Variants in VAMP7 observed in about 807,000 individuals in gnomAD.
The protein encoded by VAMP7 is vesicle-associated membrane protein 7.
A neutral mutation model predicts 29.6 loss-of-function variants in VAMP7; 14 were observed. That is an observed-to-expected ratio of 0.47 (90% CI 0.31 to 0.74). The LOEUF (loss-of-function observed/expected upper bound fraction) is 0.74. VAMP7 is among the 30% of genes least tolerant of loss of function. The pLI, the probability that VAMP7 is intolerant of heterozygous loss-of-function variation, is 0.05. For missense variants in VAMP7, 223 were observed against 262.4 expected (o/e 0.85, Z 1.04); for synonymous variants, 95 against 88.1 (o/e 1.08, Z -0.44).
intron 2 of VAMP7, 43 bp downstream of exon 2, chrX:155,889,655 T>A: frequency 6.2e-7 from 1 of 1,608,494 alleles, no homozygotes; most frequent in Non-Finnish European, 8.5e-7. Flanking sequence ...AAGAAGGGAA[T>A]TCTGTTACTC....
chrX:155,888,228 C>T (rs1224354505), intron 1 of VAMP7, among the ~76,000 whole-genome samples: 1 of 152,174 alleles, frequency 6.6e-6, no homozygotes, highest in Non-Finnish European at 1.5e-5. Flanking sequence ...AAGGAATCTG[C>T]ACATTCCTTG....
At chrX:155,891,983 A>G (rs1426433846) in intron 2 of VAMP7, among the ~76,000 whole-genome samples, 6 of 152,222 alleles carry the variant, frequency 3.9e-5, no homozygotes, top group Admixed American at 2.0e-4. Context: ...GGGAAAGCAC[A>G]TGTAGTCGTC....
intron 4 of VAMP7, 40 bp from the exon 5 acceptor site, chrX:155,900,457 A>G (rs745951156): frequency 5.4e-6 from 8 of 1,483,248 alleles, no homozygotes; most frequent in Non-Finnish European, 7.4e-6. Context: ...TATTGTAAAT[A>G]ATGTCTAGGT....
At chrX:155,935,519 CTTAG>C (rs1264805082) in intron 6 of VAMP7, among the ~76,000 whole-genome samples, 1 of 152,096 alleles carries the variant, frequency 6.6e-6, no homozygotes, top group Non-Finnish European at 1.5e-5. Flanking sequence ...GCATTCGTCA[CTTAG>C]TTCTCGTGCC....
chrX:155,938,424 T>C (rs2066694267), intron 6 of VAMP7, among the ~76,000 whole-genome samples: 1 of 152,132 alleles, frequency 6.6e-6, no homozygotes, highest in Non-Finnish European at 1.5e-5. Context: ...GAATCTATGG[T>C]TAAGGGAGTG....
At chrX:155,918,962 T>C (rs1161034468) in intron 5 of VAMP7, among the ~76,000 whole-genome samples, 3 of 152,204 alleles carry the variant, frequency 2.0e-5, no homozygotes, top group Non-Finnish European at 2.9e-5. Flanking sequence ...CTTTTTGATG[T>C]GATGTTTGAT....
At chrX:155,927,270 A>G (rs1430557869) in intron 6 of VAMP7, among the ~76,000 whole-genome samples, 1 of 151,916 alleles carries the variant, frequency 6.6e-6, no homozygotes, top group African/African-American at 2.4e-5. Flanking sequence ...CCTAATGTAG[A>G]TAACGGGTTG....
At chrX:155,914,811 G>T (rs1387192680) in intron 5 of VAMP7, among the ~76,000 whole-genome samples, 1 of 152,092 alleles carries the variant, frequency 6.6e-6, no homozygotes, top group Non-Finnish European at 1.5e-5. Flanking sequence ...AGGGATATTG[G>T]CCTGAAATTT....
chrX:155,933,961 A>G (rs1409813718), intron 6 of VAMP7, among the ~76,000 whole-genome samples: 1 of 152,210 alleles, frequency 6.6e-6, no homozygotes, highest in Non-Finnish European at 1.5e-5. Context: ...TTATGTACCC[A>G]GTAGTCATTC....
intron 6 of VAMP7, among the ~76,000 whole-genome samples, chrX:155,938,673 G>A (rs1480008446): frequency 6.6e-6 from 1 of 152,106 alleles, no homozygotes; most frequent in African/African-American, 2.4e-5. Context: ...AGCAGGGGCC[G>A]AGAGTGGTGG....
intron 5 of VAMP7, among the ~76,000 whole-genome samples, chrX:155,918,499 C>T (rs2066345641): frequency 6.6e-6 from 1 of 152,186 alleles, no homozygotes; most frequent in African/African-American, 2.4e-5. Flanking sequence ...AGCATAGTAT[C>T]TGGGCCAGAG....
rs367995885 is a variant in VAMP7, at chrX:155,924,776, T to G, written c.501+4896T>G. Reference sequence around the variant, plus strand: ...CAACAGTGAAGTTTACCACATTGATTGACTCTTTCACAAAAGATTTCTCTG... The same window carrying G: ...CAACAGTGAAGTTTACCACATTGATGGACTCTTTCACAAAAGATTTCTCTG... On this transcript the variant is annotated intron_variant, in intron 6 of 7. Transcript: ENST00000286448. Among the ~76,000 whole-genome samples the G allele has an allele frequency of 3.3e-5, 5 of 152,220 alleles. No individual in the cohort carries two copies. In the East Asian group the frequency reaches 9.6e-4, roughly 29 times the overall value.
At chrX:155,901,733 C>T (rs1162140320) in intron 5 of VAMP7, among the ~76,000 whole-genome samples, 2 of 152,036 alleles carry the variant, frequency 1.3e-5, no homozygotes, top group African/African-American at 2.4e-5. Context: ...TGATCTATAT[C>T]TCTGTTTTGG....
intron 5 of VAMP7, among the ~76,000 whole-genome samples, chrX:155,910,347 A>G: frequency 6.6e-6 from 1 of 152,128 alleles, no homozygotes; most frequent in Non-Finnish European, 1.5e-5. Context: ...TTCTTTATCC[A>G]TTCATCCATT....
intron 5 of VAMP7, among the ~76,000 whole-genome samples, chrX:155,915,421 G>T (rs1272772225): frequency 6.6e-6 from 1 of 151,946 alleles, no homozygotes; most frequent in Non-Finnish European, 1.5e-5. Flanking sequence ...GAATTTGTTT[G>T]CTCTTGCTTC....
intron 6 of VAMP7, among the ~76,000 whole-genome samples, chrX:155,923,241 C>T (rs1321993925): frequency 6.6e-6 from 1 of 151,852 alleles, no homozygotes; most frequent in Non-Finnish European, 1.5e-5. Context: ...TCTGTTTACC[C>T]ATGCAGCTAC....
chrX:155,928,995 G>A (rs1442535734), intron 6 of VAMP7, among the ~76,000 whole-genome samples: 1 of 152,160 alleles, frequency 6.6e-6, no homozygotes, highest in Non-Finnish European at 1.5e-5. Flanking sequence ...TTCTTCATAT[G>A]AGTTTGTGGA....
intron 6 of VAMP7, among the ~76,000 whole-genome samples, chrX:155,921,511 A>T (rs1272660879): frequency 6.6e-6 from 1 of 152,062 alleles, no homozygotes; most frequent in African/African-American, 2.4e-5. Context: ...ACTCACTGTT[A>T]TGCCTGTGAA....
chrX:155,923,774 G>A (rs1051173173), intron 6 of VAMP7, among the ~76,000 whole-genome samples: 10 of 152,030 alleles, frequency 6.6e-5, no homozygotes, highest in Admixed American at 3.9e-4. Context: ...ACTTGAAGCT[G>A]TCCCACAACT....
Sources: gnomAD v4.1 joint callset for allele counts (sites outside exome capture counted in the v4.1 genomes callset) on GRCh38, gnomAD v4.1.1 for gene constraint, MANE v1.5 for transcripts, NCBI Gene and HGNC (gene_info 2026-07-23, HGNC 2026-07-21) for gene names.